Variants in JAZF1 observed in about 807,000 individuals in gnomAD.
The protein encoded by JAZF1 is juxtaposed with another zinc finger protein 1.
Under a neutral mutation model 26.4 loss-of-function variants are expected in JAZF1, and 8 were observed. The observed-to-expected ratio is 0.30, with a 90% CI of 0.18 to 0.55. The LOEUF (loss-of-function observed/expected upper bound fraction) is 0.55, where lower values mean the gene tolerates loss of function less well. JAZF1 is among the 20% of genes least tolerant of loss of function. The probability of loss-of-function intolerance (pLI) is 0.94; values close to 1 mark genes in which losing one functional copy is unlikely to be tolerated. For missense variants in JAZF1, 199 were observed against 322.0 expected (o/e 0.62, Z 2.92); for synonymous variants, 126 against 122.3 (o/e 1.03, Z -0.20).
chr7:27,897,971 G>A (rs1390384295), intron 2 of JAZF1, among the ~76,000 whole-genome samples: 2 of 152,214 alleles, frequency 1.3e-5, no homozygotes, highest in African/African-American at 4.8e-5. Flanking sequence ...GAGGACTGTT[G>A]TGAGAGTAAA....
intron 1 of JAZF1, among the ~76,000 whole-genome samples, chr7:27,995,830 G>A (rs927961270): frequency 2.0e-5 from 3 of 152,128 alleles, no homozygotes; most frequent in Non-Finnish European, 4.4e-5. Flanking sequence ...ATTACATTGC[G>A]AAGGGCTGGG....
intron 3 of JAZF1, among the ~76,000 whole-genome samples, chr7:27,849,782 C>CACACACACACA (rs1554329094): frequency 6.6e-6 from 1 of 151,246 alleles, no homozygotes; most frequent in African/African-American, 2.5e-5. Context: ...CACCCCTACA[C>CACACACACACA]CTCTTCCCGG....
chr7:28,000,583 G>C (rs1267399484), intron 1 of JAZF1, among the ~76,000 whole-genome samples: 1 of 149,912 alleles, frequency 6.7e-6, no homozygotes, highest in Non-Finnish European at 1.5e-5. Context: ...ACCTAGATAA[G>C]TGCTCCTATT....
chr7:27,853,208 T>C (rs938237473), intron 3 of JAZF1, among the ~76,000 whole-genome samples: 1 of 152,196 alleles, frequency 6.6e-6, no homozygotes, highest in Non-Finnish European at 1.5e-5. Flanking sequence ...CCCAACCCTC[T>C]TTCTGCACCT....
rs528805419 is a variant in JAZF1 at position 28,034,682 on chromosome 7, C to A, written c.116-42701G>T. On this transcript the variant is annotated intron_variant, in intron 1 of 4. Coordinates refer to ENST00000283928, the MANE Select transcript of JAZF1 (RefSeq NM_175061.4). The stretch of plus-strand genomic sequence containing the variant: ...TAAGTGACTTCCCTATACTCACATA[C>A]CCAGGTGTATGGCCAAGTTGGAATC... Among the ~76,000 whole-genome samples the A allele has an allele frequency of 2.9e-4, 44 of 152,238 alleles. No homozygotes were observed. The South Asian group carries it at 8.7e-3, about 30-fold the overall frequency.
intron 1 of JAZF1, among the ~76,000 whole-genome samples, chr7:28,105,748 G>A (rs1457741378): frequency 1.3e-5 from 2 of 152,186 alleles, no homozygotes; most frequent in Non-Finnish European, 2.9e-5. Context: ...TTGAGTCTGT[G>A]TTACCACAGA....
chr7:27,997,082 A>G (rs1340591099), intron 1 of JAZF1, among the ~76,000 whole-genome samples: 4 of 152,168 alleles, frequency 2.6e-5, no homozygotes, highest in Non-Finnish European at 4.4e-5. Context: ...TGGAAAACCC[A>G]TACAGGAGTA....
intron 1 of JAZF1, among the ~76,000 whole-genome samples, chr7:28,116,632 C>T (rs57653147): frequency 0.013 from 1,940 of 151,872 alleles, 33 homozygotes; most frequent in African/African-American, 0.044. Flanking sequence ...TTAGCAGAGA[C>T]GGGGTTTCAC....
At chr7:28,042,849 C>T (rs894976694) in intron 1 of JAZF1, among the ~76,000 whole-genome samples, 1 of 152,028 alleles carries the variant, frequency 6.6e-6, no homozygotes, top group Non-Finnish European at 1.5e-5. Flanking sequence ...GCAGGCTCTA[C>T]CATATAGGTT....
intron 2 of JAZF1, among the ~76,000 whole-genome samples, chr7:27,963,941 C>T (rs1785228824): frequency 6.6e-6 from 1 of 152,136 alleles, no homozygotes; most frequent in Non-Finnish European, 1.5e-5. Flanking sequence ...TCTTTTAACA[C>T]AATTTCTTCA....
At chr7:28,119,878 A>C (rs1188664445) in intron 1 of JAZF1, among the ~76,000 whole-genome samples, 4 of 152,224 alleles carry the variant, frequency 2.6e-5, no homozygotes, top group Non-Finnish European at 5.9e-5. Flanking sequence ...AGTCCCCTAC[A>C]TAACTGTAAA....
intron 1 of JAZF1, among the ~76,000 whole-genome samples, chr7:28,006,390 C>A (rs867539925): frequency 4.3e-4 from 66 of 151,746 alleles, no homozygotes; most frequent in African/African-American, 1.5e-3. Flanking sequence ...AAAACAAAAA[C>A]CCCAAACACC....
chr7:28,013,267 G>A (rs1180125006), intron 1 of JAZF1, among the ~76,000 whole-genome samples: 1 of 152,184 alleles, frequency 6.6e-6, no homozygotes, highest in African/African-American at 2.4e-5. Context: ...ACCTAGCACA[G>A]GGCCTGCTTG....
rs191864927 is a variant in JAZF1 at position 28,102,299 on chromosome 7, C to G, written c.115+78164G>C. Among the ~76,000 whole-genome samples, 304 of 152,350 alleles carry G rather than the reference C, an allele frequency of 2.0e-3. 3 individuals are homozygous for G. The highest frequency in any genetic ancestry group is 6.9e-3 in the African/African-American group (285 of 41,588). ...TTTGCTACAAAAGTGGAAACAGTAACAGCTACACCTCACAGGACTATTGTG... is the reference window on the plus strand; with the variant it reads ...TTTGCTACAAAAGTGGAAACAGTAAGAGCTACACCTCACAGGACTATTGTG... On this transcript the variant is annotated intron_variant, in intron 1 of 4. Coordinates refer to ENST00000283928, the MANE Select transcript of JAZF1 (RefSeq NM_175061.4).
intron 1 of JAZF1, among the ~76,000 whole-genome samples, chr7:28,005,671 T>G (rs570530797): frequency 3.3e-5 from 5 of 152,178 alleles, no homozygotes; most frequent in African/African-American, 4.8e-5. Context: ...TTATCGTTCC[T>G]GATTCTGTGC....
At chr7:28,176,802 A>G (rs1484891371) in intron 1 of JAZF1, among the ~76,000 whole-genome samples, 1 of 152,174 alleles carries the variant, frequency 6.6e-6, no homozygotes. Flanking sequence ...TCTCAGACAA[A>G]AAGCCATACG....
chr7:28,139,222 T>C (rs546779990), intron 1 of JAZF1, among the ~76,000 whole-genome samples: 3 of 152,344 alleles, frequency 2.0e-5, no homozygotes, highest in African/African-American at 4.8e-5. Context: ...AAGTTTTTCA[T>C]GGAAACACCA....
intron 1 of JAZF1, among the ~76,000 whole-genome samples, chr7:28,118,682 T>C (rs894019566): frequency 2.0e-5 from 3 of 152,142 alleles, no homozygotes; most frequent in Non-Finnish European, 2.9e-5. Flanking sequence ...CAAGTTTGTA[T>C]TCAATCCATA....
intron 1 of JAZF1, among the ~76,000 whole-genome samples, chr7:28,080,031 A>G (rs559155591): frequency 1.3e-5 from 2 of 152,370 alleles, no homozygotes; most frequent in East Asian, 3.8e-4. Flanking sequence ...TAAAAAGTAT[A>G]TATCTTAATT....
Sources: gnomAD v4.1 joint callset for allele counts (sites outside exome capture counted in the v4.1 genomes callset) on GRCh38, gnomAD v4.1.1 for gene constraint, MANE v1.5 for transcripts, NCBI Gene and HGNC (gene_info 2026-07-23, HGNC 2026-07-21) for gene names.